Variants in SLC6A6 observed in about 807,000 individuals in gnomAD.
SLC6A6 encodes solute carrier family 6 member 6, also known as sodium- and chloride-dependent taurine transporter.
Under a neutral mutation model 68.8 loss-of-function variants are expected in SLC6A6, and 16 were observed. The observed-to-expected ratio is 0.23, with a 90% CI of 0.16 to 0.35. The LOEUF (loss-of-function observed/expected upper bound fraction) is 0.35, where lower values mean the gene tolerates loss of function less well. Among genes scored for constraint, SLC6A6 ranks in the 10% least tolerant of loss-of-function variants. The pLI is 1.00. For synonymous variants in SLC6A6, 312 were observed against 315.4 expected, an observed-to-expected ratio of 0.99 and a Z score of 0.12; for missense variants, 474 against 802.8, an observed-to-expected ratio of 0.59 and a Z score of 4.95.
At chr3:14,455,363 G>A (rs1054582025) in intron 5 of SLC6A6, among the ~76,000 whole-genome samples, 1 of 152,258 alleles carries the variant, frequency 6.6e-6, no homozygotes, top group Non-Finnish European at 1.5e-5. Context: ...GCTGTTAGAT[G>A]AGCTGGCTGC....
chr3:14,407,297 AC>A (rs1699131754), intron 1 of SLC6A6, among the ~76,000 whole-genome samples: 1 of 152,044 alleles, frequency 6.6e-6, no homozygotes, highest in South Asian at 2.1e-4. Flanking sequence ...CGATCCTCCC[AC>A]CTTAGATGAT....
At chr3:14,466,831 G>A (rs1390008562) in intron 7 of SLC6A6, among the ~76,000 whole-genome samples, 181 bp downstream of exon 7, 3 of 152,204 alleles carry the variant, frequency 2.0e-5, no homozygotes, top group South Asian at 2.1e-4. Context: ...GCCTGTCCAC[G>A]GTGCTGATGG....
At chr3:14,444,091 T>C in intron 3 of SLC6A6, 1 of 507,682 alleles carries the variant, frequency 2.0e-6, no homozygotes, top group Non-Finnish European at 3.6e-6. Context: ...CTGTGTTACC[T>C]TGAGCAGGTC....
chr3:14,434,002 G>A (rs190218780), intron 2 of SLC6A6, among the ~76,000 whole-genome samples: 260 of 152,224 alleles, frequency 1.7e-3, no homozygotes, highest in African/African-American at 6.0e-3. Context: ...GGCCTTGGGG[G>A]CCCCGTCCCC....
chr3:14,432,161 C>G (rs896675726), intron 2 of SLC6A6, among the ~76,000 whole-genome samples: 7 of 152,202 alleles, frequency 4.6e-5, no homozygotes, highest in Non-Finnish European at 8.8e-5. Context: ...CTGCCCTCTG[C>G]TTTTCATAGC....
chr3:14,473,272 T>C lies in SLC6A6; in HGVS notation c.1209+955T>C, dbSNP rs189183917. ...ACTCCAGGAGTAGGGATTTATGGCA[T>C]GTGGGACAGGCTGGTTGTGTGCCCA... is the stretch of plus-strand genomic sequence containing the variant. On this transcript the variant is annotated intron_variant, in intron 10 of 14. Transcript: ENST00000622186. Among the ~76,000 whole-genome samples the C allele has an allele frequency of 8.5e-5, 13 of 152,302 alleles. No homozygotes were observed. The East Asian group carries it at 2.1e-3, about 25-fold the overall frequency.
At chr3:14,474,799 AAGTAT>A (rs1449910610) in intron 10 of SLC6A6, among the ~76,000 whole-genome samples, 1 of 152,124 alleles carries the variant, frequency 6.6e-6, no homozygotes, top group African/African-American at 2.4e-5. Flanking sequence ...CTCCTGTTGG[AAGTAT>A]GGAGATCTAC....
chr3:14,444,872 A>T (rs1700075519), intron 3 of SLC6A6: 1 of 455,288 alleles, frequency 2.2e-6, no homozygotes, highest in East Asian at 7.0e-5. Context: ...ACCAGGTAGG[A>T]TCCCCTGCCC....
chr3:14,469,630 G>T (rs540470639), intron 9 of SLC6A6, among the ~76,000 whole-genome samples: 1 of 152,156 alleles, frequency 6.6e-6, no homozygotes, highest in Non-Finnish European at 1.5e-5. Flanking sequence ...CGCTGGACAG[G>T]CCTTCTGACA....
In SLC6A6 at chr3:14,477,979, C is replaced by T. The variant is rs962973674; in HGVS notation, c.1348-487C>T. Reference sequence around the variant, plus strand: ...GAAGCCTAGCATCAAAGCCAGGGCACGCTCTCTCCTGCATGCCCCCCCCCA... The same window carrying T: ...GAAGCCTAGCATCAAAGCCAGGGCATGCTCTCTCCTGCATGCCCCCCCCCA... On this transcript the variant is annotated intron_variant, in intron 11 of 14. Transcript: ENST00000622186. This position sits in a 1 kb window ranked among gnomAD's most constrained non-coding sequence, Gnocchi z 4.2. Among the ~76,000 whole-genome samples, 5 of 151,390 alleles carry T rather than the reference C, an allele frequency of 3.3e-5. No individual in the cohort carries two copies. In the East Asian group the frequency reaches 5.8e-4, roughly 18 times the overall value.
At chr3:14,445,227 C>T (rs2124946962) in intron 3 of SLC6A6, among the ~76,000 whole-genome samples, 1 of 151,404 alleles carries the variant, frequency 6.6e-6, no homozygotes, top group South Asian at 2.1e-4. Context: ...TTGAGAACAT[C>T]CTGACTAACA....
chr3:14,427,694 T>C (rs1319465971), intron 2 of SLC6A6, among the ~76,000 whole-genome samples: 3 of 152,174 alleles, frequency 2.0e-5, no homozygotes, highest in Non-Finnish European at 4.4e-5. Flanking sequence ...ATTCCTCTCC[T>C]GAAGGTTTTC....
At chr3:14,411,103 A>G (rs567051628) in intron 1 of SLC6A6, 1 of 152,706 alleles carries the variant, frequency 6.5e-6, no homozygotes, top group African/African-American at 2.4e-5. Context: ...TCTCTGTACC[A>G]TCTGGGGACC....
intron 6 of SLC6A6, among the ~76,000 whole-genome samples, chr3:14,461,715 C>G (rs1478705802): frequency 1.3e-5 from 2 of 152,188 alleles, no homozygotes; most frequent in Non-Finnish European, 2.9e-5. Context: ...TGAACAAGGC[C>G]CTTTCACTTT....
chr3:14,437,716 C>T (rs1434984188), intron 2 of SLC6A6, among the ~76,000 whole-genome samples: 1 of 152,076 alleles, frequency 6.6e-6, no homozygotes, highest in African/African-American at 2.4e-5. Flanking sequence ...ATCTATCAAA[C>T]TTACTCCTCG....
At chr3:14,408,963 C>A (rs773835485) in intron 1 of SLC6A6, among the ~76,000 whole-genome samples, 2 of 151,940 alleles carry the variant, frequency 1.3e-5, no homozygotes, top group Non-Finnish European at 1.5e-5. Context: ...CCCGCTACCA[C>A]GCCCAGCTAA....
At chr3:14,405,655 G>T (rs1699090751) in intron 1 of SLC6A6, among the ~76,000 whole-genome samples, 1 of 152,240 alleles carries the variant, frequency 6.6e-6, no homozygotes, top group South Asian at 2.1e-4. Context: ...TCCTGTGTTT[G>T]CCAACTTGGC....
At chr3:14,447,972 G>A (rs148120558) in intron 5 of SLC6A6, 156 bp downstream of exon 5, 281 of 1,442,502 alleles carry the variant, frequency 1.9e-4, no homozygotes, top group Admixed American at 3.4e-4. Flanking sequence ...TTTGGCCATA[G>A]ACAGGACTGG....
At chr3:14,475,653 CCT>C (rs1359577432) in intron 10 of SLC6A6, among the ~76,000 whole-genome samples, 3 of 152,128 alleles carry the variant, frequency 2.0e-5, no homozygotes, top group African/African-American at 7.2e-5. Flanking sequence ...TGGTCTTGGC[CCT>C]GATTCACAGC....
Sources: gnomAD v4.1 joint callset for allele counts (sites outside exome capture counted in the v4.1 genomes callset) on GRCh38, gnomAD v4.1.1 for gene constraint, Gnocchi (gnomAD v3.1) non-coding constraint, MANE v1.5 for transcripts, NCBI Gene and HGNC (gene_info 2026-07-23, HGNC 2026-07-21) for gene names.